The following ROR2 variants were observed in gnomAD, a reference collection of about 807,000 sequenced individuals.
The protein encoded by ROR2 is ROR family WNT receptor 2.
ROR2 carries 33 observed loss-of-function variants against 74.9 expected under a neutral mutation model. The ratio of observed to expected loss-of-function variants is 0.44; its 90% CI spans 0.33 to 0.59. The LOEUF (loss-of-function observed/expected upper bound fraction) is 0.59, where lower values mean the gene tolerates loss of function less well. Ranked by LOEUF, ROR2 falls within the 20% of genes least tolerant of loss-of-function variation. The pLI is 0.02. For missense variants in ROR2, 1,216 were observed against 1,313.8 expected, an observed-to-expected ratio of 0.93 and a Z score of 1.15; for synonymous variants, 586 against 558.7, an observed-to-expected ratio of 1.05 and a Z score of -0.69.
chr9:91,934,451 C>T (rs574801491), intron 1 of ROR2, among the ~76,000 whole-genome samples: 40 of 152,272 alleles, frequency 2.6e-4, no homozygotes, highest in African/African-American at 9.1e-4. Context: ...TTACAAGGAC[C>T]CTTCCCCCAG....
In ROR2 at chr9:91,724,499, C is replaced by A. The variant is rs763115397; in HGVS notation, c.1995G>T (p.Met665Ile). The A allele has an allele frequency of 2.5e-6, 4 of 1,614,108 alleles. No homozygotes were observed. The South Asian group carries it at 3.3e-5, about 13-fold the overall frequency. ...CTGAGTCGATGGAGAACTTGCCGTACATGATGGCCTCTGGGGCCATCCAGC... is the reference window on the plus strand; with the variant it reads ...CTGAGTCGATGGAGAACTTGCCGTAAATGATGGCCTCTGGGGCCATCCAGC... ...PIRWMAPEAIMYGKFSIDSDI... is the reference protein window; with the variant it reads ...PIRWMAPEAIIYGKFSIDSDI... Residue 665 changes from methionine (M) to isoleucine (I), a missense_variant, in exon 9 of 9, where the codon ATG (methionine) becomes ATT (isoleucine). By Grantham distance (10) the Met-to-Ile change is conservative. Coordinates refer to ENST00000375708, the MANE Select transcript of ROR2 (RefSeq NM_004560.4).
intron 1 of ROR2, among the ~76,000 whole-genome samples, chr9:91,819,400 CGT>C (rs1354333084): frequency 1.1e-4 from 16 of 152,068 alleles, no homozygotes; most frequent in Non-Finnish European, 1.8e-4. Flanking sequence ...CACGTGTCTA[CGT>C]GTGTGTCTTT....
chr9:91,842,793 T>G (rs1563994000), intron 1 of ROR2, among the ~76,000 whole-genome samples: 1 of 152,328 alleles, frequency 6.6e-6, no homozygotes, highest in East Asian at 1.9e-4. Context: ...CTGTCACTGA[T>G]GTGCTGCTCT....
chr9:91,769,428 C>T (rs760848837), intron 2 of ROR2, among the ~76,000 whole-genome samples: 1 of 152,188 alleles, frequency 6.6e-6, no homozygotes, highest in Non-Finnish European at 1.5e-5. Flanking sequence ...AGCATATCAG[C>T]ACCTTCAGAG....
intron 1 of ROR2, among the ~76,000 whole-genome samples, chr9:91,789,762 A>C (rs1826912942): frequency 6.6e-6 from 1 of 152,232 alleles, no homozygotes; most frequent in African/African-American, 2.4e-5. Context: ...AAATAGAGAA[A>C]TAAAAAAGAC....
intron 1 of ROR2, among the ~76,000 whole-genome samples, chr9:91,901,318 G>A (rs190160661): frequency 6.6e-6 from 1 of 152,284 alleles, no homozygotes; most frequent in Non-Finnish European, 1.5e-5. Flanking sequence ...ATACCTGTGG[G>A]ATATCATGAA....
At chr9:91,797,148 G>A (rs1232332679) in intron 1 of ROR2, among the ~76,000 whole-genome samples, 2 of 92,944 alleles carry the variant, frequency 2.2e-5, no homozygotes, top group Non-Finnish European at 4.4e-5. Context: ...TCTGTGGGTG[G>A]GGAATGACAC....
chr9:91,800,252 G>C lies in ROR2; in HGVS notation c.98-24434C>G, dbSNP rs1474214922. On this transcript the variant is annotated intron_variant, in intron 1 of 8. Transcript: ENST00000375708. ...AGCTACTCAGGAGGCTGAGGCAGGA[G>C]AATCGCTTGAACCCGGGAGGCGGAG... Among the ~76,000 whole-genome samples, 4 of 151,956 alleles carry C rather than the reference G, an allele frequency of 2.6e-5. No homozygotes were observed. In the East Asian group the frequency reaches 7.8e-4, roughly 29 times the overall value.
intron 1 of ROR2, among the ~76,000 whole-genome samples, chr9:91,898,290 G>A (rs1830590051): frequency 1.3e-5 from 2 of 152,174 alleles, no homozygotes; most frequent in Admixed American, 6.5e-5. Context: ...CCAGAGTGAC[G>A]ACAGCTGTCA....
chr9:91,735,803 A>C (rs553070939), intron 5 of ROR2, among the ~76,000 whole-genome samples: 1 of 151,780 alleles, frequency 6.6e-6, no homozygotes, highest in South Asian at 2.1e-4. Context: ...TTTTTAGTAG[A>C]GATGGGGTTT....
chr9:91,781,927 T>C (rs1334567259), intron 1 of ROR2, among the ~76,000 whole-genome samples: 1 of 152,230 alleles, frequency 6.6e-6, no homozygotes, highest in Non-Finnish European at 1.5e-5. Flanking sequence ...TAAAGCTCTT[T>C]CTACTTTCTG....
At chr9:91,792,494 G>T (rs1389039439) in intron 1 of ROR2, among the ~76,000 whole-genome samples, 1 of 151,996 alleles carries the variant, frequency 6.6e-6, no homozygotes, top group African/African-American at 2.4e-5. Flanking sequence ...ACTTTTAGTA[G>T]ACACTGGGTT....
At position 91,876,957 on chromosome 9, in the gene ROR2, G is replaced by A. The variant is rs200782536; in HGVS notation, c.97+72910C>T. On this transcript the variant is annotated intron_variant, in intron 1 of 8. Coordinates refer to ENST00000375708, the MANE Select transcript of ROR2 (RefSeq NM_004560.4). ...AAAGGGCCAAGCCACAACTGAGAAC[G>A]AACAAAAGACATGCACATTTAACAC... Among the ~76,000 whole-genome samples the A allele has an allele frequency of 6.6e-5, 10 of 152,202 alleles. No homozygotes were observed. The East Asian group carries it at 1.4e-3, about 21-fold the overall frequency.
At chr9:91,818,832 C>G (rs1828034532) in intron 1 of ROR2, among the ~76,000 whole-genome samples, 1 of 152,098 alleles carries the variant, frequency 6.6e-6, no homozygotes, top group African/African-American at 2.4e-5. Context: ...CTTAGTTGCA[C>G]AGGAAGCCAC....
intron 1 of ROR2, among the ~76,000 whole-genome samples, chr9:91,838,501 T>C (rs1828681087): frequency 6.6e-6 from 1 of 152,208 alleles, no homozygotes; most frequent in Admixed American, 6.5e-5. Flanking sequence ...ATCTTTTGTA[T>C]AGACAAGACA....
rs1826728488 is a variant in ROR2, at chr9:91,784,497, CA to C, written c.98-8680del. On this transcript the variant is annotated intron_variant, in intron 1 of 8. Coordinates refer to ENST00000375708, the MANE Select transcript of ROR2 (RefSeq NM_004560.4). ...TGTGCAGTTCCACTCACACTAAGTT[CA>C]AAGGCAGGCAGACGTCATCCGTGGT... Among the ~76,000 whole-genome samples the C allele has an allele frequency of 3.9e-5, 6 of 152,294 alleles. No homozygotes were observed. The South Asian group carries it at 1.2e-3, about 32-fold the overall frequency.
chr9:91,752,888 G>A (rs572634349), intron 4 of ROR2, among the ~76,000 whole-genome samples: 8 of 152,298 alleles, frequency 5.3e-5, no homozygotes, highest in African/African-American at 1.4e-4. Context: ...TGGATGGAAC[G>A]ATAAGTGATA....
chr9:91,742,795 G>A (rs748894855), intron 4 of ROR2, among the ~76,000 whole-genome samples: 1 of 152,118 alleles, frequency 6.6e-6, no homozygotes, highest in African/African-American at 2.4e-5. Context: ...ATTCACTCGC[G>A]ACTTACTCAC....
At chr9:91,899,867 A>C (rs1448247665) in intron 1 of ROR2, among the ~76,000 whole-genome samples, 1 of 152,192 alleles carries the variant, frequency 6.6e-6, no homozygotes, top group East Asian at 1.9e-4. Flanking sequence ...ACACAGGTGC[A>C]CTGTGCATAC....
Sources: gnomAD v4.1 joint callset for allele counts (sites outside exome capture counted in the v4.1 genomes callset) on GRCh38, gnomAD v4.1.1 for gene constraint, MANE v1.5 for transcripts, NCBI Gene and HGNC (gene_info 2026-07-23, HGNC 2026-07-21) for gene names.